SLC16A12: variants seen among roughly 807,000 people sequenced by gnomAD.
SLC16A12 encodes monocarboxylate transporter 12.
In SLC16A12, 17 loss-of-function variants were observed where a neutral mutation model predicts 42.4. The ratio of observed to expected loss-of-function variants is 0.40; its 90% CI spans 0.27 to 0.60. SLC16A12 has a LOEUF of 0.60. Ranked by LOEUF, SLC16A12 falls within the 20% of genes least tolerant of loss-of-function variation. SLC16A12 has a pLI of 0.42. For synonymous variants in SLC16A12, 224 were observed against 229.4 expected, an observed-to-expected ratio of 0.98 and a Z score of 0.21; for missense variants, 544 against 623.0, an observed-to-expected ratio of 0.87 and a Z score of 1.35.
intron 3 of SLC16A12, among the ~76,000 whole-genome samples, 192 bp from the exon 4 acceptor site, chr10:89,444,051 C>A (rs1841959008): frequency 6.6e-6 from 1 of 152,166 alleles, no homozygotes; most frequent in Admixed American, 6.5e-5. Context: ...GTTCAACCAC[C>A]ACAGGGGCTA....
At chr10:89,517,968 A>G (rs1221851848) in intron 2 of SLC16A12, among the ~76,000 whole-genome samples, 1 of 152,218 alleles carries the variant, frequency 6.6e-6, no homozygotes, top group Non-Finnish European at 1.5e-5. Context: ...TAAGGAGGGA[A>G]AAAAGGGCAC....
At position 89,462,558 on chromosome 10, in the gene SLC16A12, C is replaced by T. The variant is rs1842319746; in HGVS notation, c.21G>A (p.Trp7Ter). The change falls in exon 3 of 8, where the codon TGG becomes TGA. Residue 7 changes from tryptophan to a stop codon, truncating the protein, a stop_gained. Transcript: ENST00000371790. LOFTEE classifies it high-confidence loss of function. Reference protein sequence around the residue: MPSGSHWTANSSKIITW... With the variant: MPSGSH ...TTATGATCTTGGAAGAGTTTGCTGT[C>T]CAGTGACTTCCTGATGGCATTCAAG... 1.9e-6 allele frequency: 3 copies of T among 1,609,862 alleles called. No homozygotes were observed. The highest frequency in any genetic ancestry group is 1.7e-6 in the Non-Finnish European group (2 of 1,179,226).
At chr10:89,466,303 T>G (rs767092517) in intron 2 of SLC16A12, among the ~76,000 whole-genome samples, 2 of 152,224 alleles carry the variant, frequency 1.3e-5, no homozygotes, top group Non-Finnish European at 2.9e-5. Context: ...GTGTCCAATA[T>G]GCACTAGAAA....
intron 2 of SLC16A12, among the ~76,000 whole-genome samples, chr10:89,508,359 G>A (rs1843102985): frequency 6.6e-6 from 1 of 152,162 alleles, no homozygotes; most frequent in Non-Finnish European, 1.5e-5. Flanking sequence ...TAAAAGAACA[G>A]AAATCACAAT....
At chr10:89,499,141 C>T (rs1394175241) in intron 2 of SLC16A12, among the ~76,000 whole-genome samples, 3 of 152,052 alleles carry the variant, frequency 2.0e-5, no homozygotes, top group Non-Finnish European at 4.4e-5. Context: ...CCCCGATTTA[C>T]CTGGAAAATA....
chr10:89,499,060 A>G (rs1039058778), intron 2 of SLC16A12, among the ~76,000 whole-genome samples: 1 of 152,176 alleles, frequency 6.6e-6, no homozygotes, highest in African/African-American at 2.4e-5. Context: ...AATATGACAA[A>G]ACAAGGCTCT....
chr10:89,519,392 A>G (rs1340781407), intron 2 of SLC16A12, among the ~76,000 whole-genome samples: 1 of 152,208 alleles, frequency 6.6e-6, no homozygotes, highest in Non-Finnish European at 1.5e-5. Flanking sequence ...AGAAAAAAAA[A>G]TACCCTATCA....
chr10:89,525,118 G>C (rs1843427475), intron 2 of SLC16A12, among the ~76,000 whole-genome samples: 1 of 151,928 alleles, frequency 6.6e-6, no homozygotes, highest in Non-Finnish European at 1.5e-5. Context: ...CTACTCAGGA[G>C]GCTGAGGCAG....
intron 2 of SLC16A12, among the ~76,000 whole-genome samples, chr10:89,484,714 C>T (rs755634411): frequency 2.6e-5 from 4 of 152,110 alleles, no homozygotes; most frequent in Non-Finnish European, 5.9e-5. Context: ...AAGTTGCATA[C>T]GTTTTACTTG....
intron 6 of SLC16A12, among the ~76,000 whole-genome samples, chr10:89,436,744 A>G (rs1467927360): frequency 1.3e-5 from 2 of 151,672 alleles, no homozygotes; most frequent in Admixed American, 1.3e-4. Flanking sequence ...CTTGGGCCAC[A>G]CATAAAATAA....
intron 2 of SLC16A12, among the ~76,000 whole-genome samples, chr10:89,517,054 T>A (rs945096859): frequency 6.6e-6 from 1 of 151,940 alleles, no homozygotes; most frequent in Non-Finnish European, 1.5e-5. Context: ...AAGACTCCCA[T>A]CTCTACAAAA....
upstream of SLC16A12, among the ~76,000 whole-genome samples, chr10:89,536,057 C>G (rs923669029): frequency 6.6e-6 from 1 of 151,862 alleles, no homozygotes; most frequent in Non-Finnish European, 1.5e-5. Flanking sequence ...GGACGTCTCG[C>G]GGTTATGTAA....
chr10:89,528,416 A>G (rs766763220), intron 2 of SLC16A12, among the ~76,000 whole-genome samples: 51 of 152,226 alleles, frequency 3.4e-4, no homozygotes, highest in Non-Finnish European at 5.0e-4. Context: ...CACAATCATC[A>G]AAAACTTGAA....
intron 2 of SLC16A12, among the ~76,000 whole-genome samples, chr10:89,518,503 C>T (rs1253771045): frequency 5.9e-5 from 9 of 152,188 alleles, no homozygotes; most frequent in Non-Finnish European, 1.3e-4. Context: ...CGGTGCAAGC[C>T]TAAGGTATGA....
In SLC16A12 at chr10:89,433,256, A is replaced by G; in HGVS notation, c.1359T>C (p.Ser453=). 6.2e-7 allele frequency: 1 copy of G among 1,614,246 alleles called. No individual in the cohort carries two copies. Among genetic ancestry groups the G allele is most frequent in the Admixed American group, 1.7e-5 (1 of 60,034 alleles). The change falls in exon 8 of 8, where the codon AGT becomes AGC. Residue 453 remains serine (S), a synonymous_variant. Transcript: ENST00000371790. ...GTCTAGCAAAGCCAAGCAACACAGA[A>G]CTAAATATCATTGAAAATCCACAGA... The part of the protein sequence containing the change: ...FLLCGFSMIF[S]SVLLGFARLI...
At chr10:89,490,767 T>G (rs79196059) in intron 2 of SLC16A12, among the ~76,000 whole-genome samples, 1 of 152,200 alleles carries the variant, frequency 6.6e-6, no homozygotes, top group African/African-American at 2.4e-5. Context: ...CCATTTCAGA[T>G]AAACTCAACC....
chr10:89,492,053 G>A (rs1482870064), intron 2 of SLC16A12, among the ~76,000 whole-genome samples: 1 of 152,146 alleles, frequency 6.6e-6, no homozygotes, highest in Non-Finnish European at 1.5e-5. Flanking sequence ...ATCAAAATAA[G>A]TTATGACGAG....
chr10:89,555,632 C>A (rs1439966042), intron 2 of SLC16A12, among the ~76,000 whole-genome samples: 2 of 140,810 alleles, frequency 1.4e-5, no homozygotes, highest in Non-Finnish European at 3.0e-5. Flanking sequence ...TGTATATATA[C>A]ACATATATAC....
intron 2 of SLC16A12, among the ~76,000 whole-genome samples, chr10:89,511,558 C>T (rs1843162601): frequency 6.6e-6 from 1 of 151,946 alleles, no homozygotes; most frequent in Non-Finnish European, 1.5e-5. Flanking sequence ...GGGAGGTGAA[C>T]ATCACACACC....
Sources: gnomAD v4.1 joint callset for allele counts (sites outside exome capture counted in the v4.1 genomes callset) on GRCh38, gnomAD v4.1.1 for gene constraint, MANE v1.5 for transcripts, NCBI Gene and HGNC (gene_info 2026-07-23, HGNC 2026-07-21) for gene names.